The following SIN3B variants were observed in gnomAD, a reference collection of about 807,000 sequenced individuals.
SIN3B encodes the protein paired amphipathic helix protein Sin3b.
In SIN3B, 19 loss-of-function variants were observed where a neutral mutation model predicts 120.2. That is an observed-to-expected ratio of 0.16 (90% CI 0.11 to 0.23). The LOEUF is 0.23. Ranked by LOEUF, SIN3B falls within the 10% of genes least tolerant of loss-of-function variation. SIN3B has a pLI of 1.00. For missense variants in SIN3B, 1,073 were observed against 1,573.0 expected (o/e 0.68, Z 5.38); for synonymous variants, 654 against 653.2 (o/e 1.00, Z -0.02).
rs1291772286 is a variant in SIN3B, at chr19:16,879,946, G to A, written c.*1219G>A. On this transcript the variant is annotated 3_prime_UTR_variant, in exon 19 of 19. Coordinates refer to ENST00000248054, the MANE Select transcript of SIN3B (RefSeq NM_001297595.2). The stretch of plus-strand genomic sequence containing the variant: ...TCAAGTTTCCAGGAAGTGGAGATGT[G>A]TTTCTAGAAGTTTCCTGTGGAACCT... The A allele has an allele frequency of 6.6e-6, 1 of 152,306 alleles. No homozygotes were observed. The highest frequency in any genetic ancestry group is 6.5e-5 in the Admixed American group (1 of 15,284). 9.4% of individuals were successfully genotyped at this position (152,306 alleles called of 1,614,324 possible).
intron 16 of SIN3B, chr19:16,877,194 ATT>A (rs2051619707): frequency 3.4e-6 from 1 of 294,174 alleles, no homozygotes; most frequent in East Asian, 7.7e-5. Flanking sequence ...ACAGAAGTCT[ATT>A]CCCTCAACGT....
intron 3 of SIN3B, among the ~76,000 whole-genome samples, chr19:16,837,314 A>T (rs1406126325): frequency 6.6e-6 from 1 of 151,992 alleles, no homozygotes; most frequent in Non-Finnish European, 1.5e-5. Context: ...CCCCTGGGAG[A>T]CCAGGGAGGG....
intron 7 of SIN3B, among the ~76,000 whole-genome samples, chr19:16,853,866 G>A (rs868298994): frequency 7.9e-5 from 12 of 151,028 alleles, no homozygotes; most frequent in African/African-American, 2.9e-4. Flanking sequence ...GCGTGCATGG[G>A]CTGTGAATTG....
chr19:16,860,095 G>T (rs149219195), intron 8 of SIN3B, among the ~76,000 whole-genome samples: 1 of 152,328 alleles, frequency 6.6e-6, no homozygotes, highest in Non-Finnish European at 1.5e-5. Flanking sequence ...CAGCAGTAGA[G>T]ACTCGTATGG....
intron 8 of SIN3B, among the ~76,000 whole-genome samples, chr19:16,858,821 G>A (rs541584621): frequency 6.6e-6 from 1 of 152,080 alleles, no homozygotes; most frequent in Non-Finnish European, 1.5e-5. Flanking sequence ...ATGGTGACCT[G>A]TGCCTGTAGT....
At chr19:16,841,744 A>C (rs774374526) in intron 3 of SIN3B, 24 bp from the exon 4 acceptor site, 1 of 1,608,318 alleles carries the variant, frequency 6.2e-7, no homozygotes, top group Non-Finnish European at 8.5e-7. Context: ...CGGGCCTGGC[A>C]GTAACTCATT....
chr19:16,842,079 T>G lies in SIN3B; in HGVS notation c.582+111T>G, dbSNP rs143531993. ...TTCATAAAATCCTGTAAAATTCTAA[T>G]TAGTTGTGGGGTTTTTTGTTTGTTT... On this transcript the variant is annotated intron_variant, in intron 4 of 18. Coordinates refer to ENST00000248054, the MANE Select transcript of SIN3B (RefSeq NM_001297595.2). 24 of 985,042 alleles carry G rather than the reference T, an allele frequency of 2.4e-5. No homozygotes were observed. In the East Asian group the frequency reaches 6.2e-4, roughly 26 times the overall value. 61.0% of individuals were successfully genotyped at this position (985,042 alleles called of 1,614,324 possible). A position where few individuals can be genotyped will look rare whatever the true frequency, so the allele number is the denominator to read the frequency against.
chr19:16,869,045 G>A (rs1050716848), intron 12 of SIN3B, among the ~76,000 whole-genome samples: 3 of 152,076 alleles, frequency 2.0e-5, no homozygotes, highest in African/African-American at 7.2e-5. Context: ...AGGCGCCACC[G>A]TTGCTTTCAG....
chr19:16,855,960 G>A (rs992228557), intron 8 of SIN3B, among the ~76,000 whole-genome samples: 3 of 152,142 alleles, frequency 2.0e-5, no homozygotes, highest in Middle Eastern at 3.4e-3. Context: ...AGGAGGCTGA[G>A]CTAGAAGGAT....
chr19:16,853,591 T>C (rs900371090), intron 7 of SIN3B, among the ~76,000 whole-genome samples: 4 of 150,742 alleles, frequency 2.7e-5, no homozygotes, highest in Non-Finnish European at 4.4e-5. Context: ...TGTGAATTGC[T>C]GCATGGACAC....
At chr19:16,869,137 C>T (rs1379327724) in intron 12 of SIN3B, among the ~76,000 whole-genome samples, 1 of 152,166 alleles carries the variant, frequency 6.6e-6, no homozygotes, top group Non-Finnish European at 1.5e-5. Context: ...GAGCGACAGA[C>T]CCAGGCTTGA....
chr19:16,878,130 C>G, intron 17 of SIN3B, 53 bp from the exon 18 acceptor site: 7 of 1,434,438 alleles, frequency 4.9e-6, no homozygotes, highest in Non-Finnish European at 6.6e-6. Flanking sequence ...CCTGCAAATC[C>G]TCCTCCCACA....
Position 16,866,232 on chromosome 19 carries a change from C to G in SIN3B, c.1623-141C>G, listed in dbSNP as rs1035565516. The G allele has an allele frequency of 2.5e-5, 19 of 751,158 alleles. No homozygotes were observed. The African/African-American group carries it at 3.3e-4, about 13-fold the overall frequency. The allele number at this position is 751,158 out of a possible 1,614,324, so 46.5% of individuals were successfully genotyped here. A position where few individuals can be genotyped will look rare whatever the true frequency, so the allele number is the denominator to read the frequency against. ...CTCCCTCTGACGTGCACAGAGCCCACTGCACAGACTAGGCTGGGAGCTGGC... is the reference window on the plus strand; with the variant it reads ...CTCCCTCTGACGTGCACAGAGCCCAGTGCACAGACTAGGCTGGGAGCTGGC... On this transcript the variant is annotated intron_variant, in intron 11 of 18. Transcript: ENST00000248054.
At chr19:16,829,966 C>A in intron 2 of SIN3B, 69 bp downstream of exon 2, 1 of 1,020,112 alleles carries the variant, frequency 9.8e-7, no homozygotes, top group South Asian at 1.3e-5. Context: ...CGGGGTGAGA[C>A]CTCCCCTCTC....
In SIN3B at chr19:16,877,582, A is replaced by G. The variant is rs1599620121; in HGVS notation, c.2897A>G (p.Glu966Gly). The G allele has an allele frequency of 5.0e-6, 8 of 1,612,352 alleles. No individual in the cohort carries two copies. The highest frequency in any genetic ancestry group is 6.8e-6 in the Non-Finnish European group (8 of 1,179,564). Residue 966 changes from glutamate to glycine, a missense_variant, in exon 17 of 19, where the codon GAG becomes GGG. By Grantham distance (98) the Glu-to-Gly change is moderately conservative. This residue lies in a region of SIN3B where 311 missense variants were observed against 400.3 expected (regional missense o/e 0.78). Transcript: ENST00000248054. ...TACGTGGAGCAGTATGTGGGGACCG[A>G]GGGCGCGTCCAGCTCGCCCACTGAG... ...ARYVEQYVGT[E>G]GASSSPTEGF...
chr19:16,866,336 G>A, intron 11 of SIN3B, 37 bp from the exon 12 acceptor site: 1 of 1,581,820 alleles, frequency 6.3e-7, no homozygotes, highest in Non-Finnish European at 8.6e-7. Flanking sequence ...AGGATGCCCT[G>A]GCTTGTCCCT....
chr19:16,857,515 A>AATGTGTGTGTGTG (rs1491555514), intron 8 of SIN3B, among the ~76,000 whole-genome samples: 9 of 62,222 alleles, frequency 1.4e-4, no homozygotes, highest in Non-Finnish European at 2.1e-4. Context: ...CTTAAAAAAA[A>AATGTGTGTGTGTG]TATGTGTGTG....
In SIN3B at chr19:16,869,570, C is replaced by T. The variant is rs2051477972; in HGVS notation, c.1917C>T (p.Tyr639=). The change falls in exon 13 of 19, where the codon TAC becomes TAT. Residue 639 remains tyrosine, a synonymous_variant. Transcript: ENST00000248054. ...AGGACGCAGCAGCGCTCATCAGCTA[C>T]TACGTGAAGCGGCAGCCGGCCATCC... is the stretch of plus-strand genomic sequence containing the variant. ...ILEDAAALIS[Y]YVKRQPAIQK... 1.9e-6 allele frequency: 3 copies of T among 1,613,726 alleles called. No homozygotes were observed. The highest frequency in any genetic ancestry group is 2.2e-5 in the South Asian group (2 of 91,096).
intron 3 of SIN3B, among the ~76,000 whole-genome samples, chr19:16,839,260 G>T (rs970872523): frequency 6.6e-6 from 1 of 152,246 alleles, no homozygotes. Context: ...GAGCCACTGC[G>T]CCTGGCCTGA....
Sources: gnomAD v4.1 joint callset for allele counts (sites outside exome capture counted in the v4.1 genomes callset) on GRCh38, gnomAD v4.1.1 for gene constraint, gnomAD v4.1.1 regional missense constraint, MANE v1.5 for transcripts, NCBI Gene and HGNC (gene_info 2026-07-23, HGNC 2026-07-21) for gene names.